PLSCR5: variants seen among roughly 807,000 people sequenced by gnomAD.
PLSCR5 encodes phospholipid scramblase family, member 5.
Under a neutral mutation model 33.6 loss-of-function variants are expected in PLSCR5, and 44 were observed. The observed-to-expected ratio is 1.31, with a 90% CI of 1.03 to 1.69. The LOEUF is 1.69. PLSCR5 is among the 40% of genes most tolerant of loss of function. The pLI is 0.00. For synonymous variants in PLSCR5, 148 were observed against 112.3 expected (o/e 1.32, Z -2.01); for missense variants, 375 against 318.7 (o/e 1.18, Z -1.34).
intron 6 of PLSCR5, among the ~76,000 whole-genome samples, chr3:146,587,282 T>G (rs745896363): frequency 3.3e-5 from 5 of 152,158 alleles, no homozygotes; most frequent in Admixed American, 6.6e-5. Flanking sequence ...CATCAATCTC[T>G]CAAAGCATAT....
chr3:146,595,589 G>A (rs1249487649), intron 2 of PLSCR5, among the ~76,000 whole-genome samples: 1 of 152,200 alleles, frequency 6.6e-6, no homozygotes, highest in South Asian at 2.1e-4. Flanking sequence ...CCCCAGAGGG[G>A]AGACTCTGTC....
Position 146,589,680 on chromosome 3 carries a change from T to C in PLSCR5, c.750A>G (p.Ala250=). The stretch of plus-strand genomic sequence containing the variant: ...AGAGAAAACAGGCACCGATCATTGC[T>C]GCTTTGACTGTTACATCTAGATCTG... ...VPADLDVTVK[A]AMIGACFLFD... The change falls in exon 6 of 8, where the codon GCA becomes GCG. Residue 250 remains alanine, a synonymous_variant. Transcript: ENST00000443512. 6.3e-7 allele frequency: 1 copy of C among 1,599,220 alleles called. No homozygotes were observed. The highest frequency in any genetic ancestry group is 8.5e-7 in the Non-Finnish European group (1 of 1,170,048).
At chr3:146,589,444 G>T (rs193268473) in intron 6 of PLSCR5, among the ~76,000 whole-genome samples, 1 of 152,190 alleles carries the variant, frequency 6.6e-6, no homozygotes, top group Admixed American at 6.5e-5. Flanking sequence ...TTTGAGAAAG[G>T]GGATATGAGA....
In PLSCR5 at chr3:146,594,122, G is replaced by T. The variant is rs1290050706; in HGVS notation, c.251C>A (p.Thr84Asn). The T allele has an allele frequency of 6.2e-7, 1 of 1,612,786 alleles. No homozygotes were observed. Among genetic ancestry groups the T allele is most frequent in the East Asian group, 2.2e-5 (1 of 44,856 alleles). ...GTTTTTAATCTCATATTTGTTGGAG[G>T]TCTCAGTACCAAGTATCACTAATGG... Reference protein sequence around the residue: ...ELLGMILGTETSNKYEIKNSL... With the variant: ...ELLGMILGTENSNKYEIKNSL... Residue 84 changes from threonine to asparagine, a missense_variant, in exon 4 of 8, where the codon ACC (threonine) becomes AAC (asparagine). Physicochemically the swap from Thr to Asn is moderately conservative, Grantham distance 65. Coordinates refer to ENST00000443512, the MANE Select transcript of PLSCR5 (RefSeq NM_001085420.2).
chr3:146,594,028 A>T lies in PLSCR5; in HGVS notation c.345T>A (p.Thr115=). Reference sequence around the variant, plus strand: ...TGATCCTCAGGGTGCAAGATCGCAGAGTGGAACAGAAAGTACGATTGAAGC... The same window carrying T: ...TGATCCTCAGGGTGCAAGATCGCAGTGTGGAACAGAAAGTACGATTGAAGC... ...SICFNRTFCS[T]LRSCTLRITD... is the part of the protein sequence containing the mutation. The change falls in exon 4 of 8, where the codon ACT becomes ACA. Residue 115 remains threonine, a synonymous_variant. Coordinates refer to ENST00000443512, the MANE Select transcript of PLSCR5 (RefSeq NM_001085420.2). The T allele has an allele frequency of 1.2e-6, 2 of 1,613,886 alleles. No homozygotes were observed. The highest frequency in any genetic ancestry group is 2.2e-5 in the South Asian group (2 of 91,092).
chr3:146,587,522 T>C (rs2044675431), intron 6 of PLSCR5, among the ~76,000 whole-genome samples: 1 of 151,894 alleles, frequency 6.6e-6, no homozygotes, highest in Non-Finnish European at 1.5e-5. Context: ...CTAATGAAGA[T>C]CTTGGGGAAA....
At chr3:146,588,501 A>C (rs887884644) in intron 6 of PLSCR5, among the ~76,000 whole-genome samples, 7 of 151,966 alleles carry the variant, frequency 4.6e-5, no homozygotes, top group Non-Finnish European at 1.0e-4. Flanking sequence ...AAACAAAAAC[A>C]AAAATGCCAA....
intron 5 of PLSCR5, 28 bp downstream of exon 5, chr3:146,591,692 A>T: frequency 6.3e-7 from 1 of 1,588,788 alleles, no homozygotes; most frequent in South Asian, 1.2e-5. Flanking sequence ...GACCTAAATG[A>T]AAACTTCTTT....
At chr3:146,577,498 G>A (rs2044606435) in intron 7 of PLSCR5, among the ~76,000 whole-genome samples, 1 of 152,026 alleles carries the variant, frequency 6.6e-6, no homozygotes, top group African/African-American at 2.4e-5. Context: ...AATCAGAGTT[G>A]GGACTCTACT....
chr3:146,584,681 A>T (rs188297265), downstream of PLSCR5, among the ~76,000 whole-genome samples: 106 of 152,182 alleles, frequency 7.0e-4, no homozygotes, highest in African/African-American at 2.5e-3. Flanking sequence ...AGAATACTGA[A>T]CCAGAGTATG....
intron 2 of PLSCR5, among the ~76,000 whole-genome samples, chr3:146,595,702 A>G (rs943310527): frequency 6.6e-5 from 10 of 152,198 alleles, no homozygotes; most frequent in African/African-American, 9.7e-5. Context: ...CTTGAAAACA[A>G]GAGTTTGTGA....
At chr3:146,600,869 T>C (rs1478801424) in intron 1 of PLSCR5, among the ~76,000 whole-genome samples, 1 of 148,560 alleles carries the variant, frequency 6.7e-6, no homozygotes, top group African/African-American at 2.4e-5. Context: ...TTTATACATA[T>C]ATAAATTATA....
intron 7 of PLSCR5, among the ~76,000 whole-genome samples, chr3:146,580,718 C>T (rs2044628204): frequency 6.6e-6 from 1 of 152,134 alleles, no homozygotes; most frequent in African/African-American, 2.4e-5. Context: ...CCGCCTTGGC[C>T]TCTCAAAGTG....
intron 7 of PLSCR5, among the ~76,000 whole-genome samples, chr3:146,580,454 C>CTTTTTTTT (rs1170556618): frequency 1.7e-4 from 10 of 60,554 alleles, no homozygotes; most frequent in African/African-American, 4.3e-4. Flanking sequence ...TTTGAATTTG[C>CTTTTTTTT]TTTTTTTTTT....
rs1170867963 is a variant in PLSCR5 at position 146,593,892 on chromosome 3, A to G, written c.453+28T>C. On this transcript the variant is annotated intron_variant, in intron 4 of 7. Transcript: ENST00000443512. Reference sequence around the variant, plus strand: ...AAACAAATGCTAATCTTAAAAATCAAAAAGGACAACCAGAGCCAGTAACTA... The same window carrying G: ...AAACAAATGCTAATCTTAAAAATCAGAAAGGACAACCAGAGCCAGTAACTA... The G allele has an allele frequency of 3.1e-6, 5 of 1,588,886 alleles. No homozygotes were observed. In the Admixed American group the frequency reaches 5.1e-5, roughly 16 times the overall value.
intron 2 of PLSCR5, among the ~76,000 whole-genome samples, chr3:146,596,846 T>G (rs1013568060): frequency 6.6e-6 from 1 of 152,100 alleles, no homozygotes; most frequent in Non-Finnish European, 1.5e-5. Context: ...TTTTTTAAGA[T>G]TCACAAAAAA....
chr3:146,592,863 C>T (rs915030020), intron 4 of PLSCR5, among the ~76,000 whole-genome samples: 7 of 152,046 alleles, frequency 4.6e-5, no homozygotes, highest in African/African-American at 1.7e-4. Context: ...GAGCATATTT[C>T]TGTGATCATA....
intron 5 of PLSCR5, among the ~76,000 whole-genome samples, chr3:146,590,962 C>A (rs72988650): frequency 0.076 from 11,427 of 150,096 alleles, 486 homozygotes; most frequent in East Asian, 0.16. Context: ...TTTAAATATT[C>A]AATTTATACA....
intron 6 of PLSCR5, among the ~76,000 whole-genome samples, chr3:146,586,809 C>T (rs894784232): frequency 3.3e-5 from 5 of 151,910 alleles, no homozygotes; most frequent in Admixed American, 1.3e-4. Flanking sequence ...CTAAAGCTTT[C>T]GCCTGAATAA....
Sources: gnomAD v4.1 joint callset for allele counts (sites outside exome capture counted in the v4.1 genomes callset) on GRCh38, gnomAD v4.1.1 for gene constraint, MANE v1.5 for transcripts, NCBI Gene and HGNC (gene_info 2026-07-23, HGNC 2026-07-21) for gene names.